PRKG1: variants seen among roughly 807,000 people sequenced by gnomAD.
PRKG1 encodes cGMP-dependent protein kinase 1.
PRKG1 carries 35 observed loss-of-function variants against 88.1 expected under a neutral mutation model. The observed-to-expected ratio is 0.40, with a 90% CI of 0.30 to 0.53. The LOEUF is 0.53. Ranked by LOEUF, PRKG1 falls within the 20% of genes least tolerant of loss-of-function variation. PRKG1 has a pLI of 0.59. For missense variants in PRKG1, 540 were observed against 839.8 expected (o/e 0.64, Z 4.41); for synonymous variants, 303 against 292.5 (o/e 1.04, Z -0.37).
At chr10:51,825,597 G>A (rs1054048588) in intron 4 of PRKG1, among the ~76,000 whole-genome samples, 9 of 152,126 alleles carry the variant, frequency 5.9e-5, no homozygotes, top group African/African-American at 2.2e-4. Flanking sequence ...CCAGTCTCCT[G>A]TGCCTACAAC....
chr10:51,294,542 G>T (rs1292135644), intron 2 of PRKG1, among the ~76,000 whole-genome samples: 1 of 152,064 alleles, frequency 6.6e-6, no homozygotes, highest in African/African-American at 2.4e-5. Flanking sequence ...GATTCGTTAG[G>T]TTGGTGCAAT....
At position 51,349,468 on chromosome 10, in the gene PRKG1, G is replaced by GTA. The variant is rs1554798017; in HGVS notation, c.479-118254_479-118253insAT. Among the ~76,000 whole-genome samples the GTA allele has an allele frequency of 2.4e-3, 362 of 149,540 alleles. 3 individuals carry two copies. Among genetic ancestry groups the GTA allele is most frequent in the Middle Eastern group, 0.017 (5 of 288 alleles). On this transcript the variant is annotated intron_variant, in intron 2 of 17. Transcript: ENST00000373980. ...GTTCATATTGTTTGTGTGTGTGTGT[G>GTA]TGTGTGTGTGTGTGTATGTGTGTGT...
intron 2 of PRKG1, among the ~76,000 whole-genome samples, chr10:51,333,201 A>T (rs891445444): frequency 2.0e-5 from 3 of 152,238 alleles, no homozygotes; most frequent in Admixed American, 2.0e-4. Flanking sequence ...TTTGAAGATA[A>T]TGTAAACTCA....
chr10:51,668,346 G>A (rs1459147484), intron 3 of PRKG1, among the ~76,000 whole-genome samples: 1 of 152,128 alleles, frequency 6.6e-6, no homozygotes, highest in Non-Finnish European at 1.5e-5. Flanking sequence ...TGTGAGTGTG[G>A]AAGAATTTTG....
chr10:52,014,509 C>G (rs1280785963), intron 5 of PRKG1, among the ~76,000 whole-genome samples: 1 of 152,208 alleles, frequency 6.6e-6, no homozygotes, highest in Non-Finnish European at 1.5e-5. Flanking sequence ...GGTGGGGACA[C>G]AGAGCCAAAC....
At chr10:52,227,534 G>A (rs1475457889) in intron 9 of PRKG1, among the ~76,000 whole-genome samples, 1 of 152,076 alleles carries the variant, frequency 6.6e-6, no homozygotes, top group Non-Finnish European at 1.5e-5. Context: ...TGTATGGGAG[G>A]ATGTGCTCAG....
intron 1 of PRKG1, among the ~76,000 whole-genome samples, chr10:51,138,007 A>T (rs1471935194): frequency 6.6e-6 from 1 of 152,064 alleles, no homozygotes. Context: ...CTAGGAGGGG[A>T]GGTTATGTAT....
At chr10:51,920,149 A>G (rs1025581831) in intron 5 of PRKG1, among the ~76,000 whole-genome samples, 1 of 152,172 alleles carries the variant, frequency 6.6e-6, no homozygotes, top group Non-Finnish European at 1.5e-5. Context: ...AGGATACACA[A>G]TCAAGGTGGA....
At chr10:52,284,560 A>G (rs930943214) in intron 14 of PRKG1, among the ~76,000 whole-genome samples, 14 of 152,034 alleles carry the variant, frequency 9.2e-5, no homozygotes, top group Non-Finnish European at 4.4e-5. Context: ...ATAAAGTTCC[A>G]CAAAACACAC....
At chr10:51,780,806 C>T (rs916908663) in intron 3 of PRKG1, among the ~76,000 whole-genome samples, 1 of 152,100 alleles carries the variant, frequency 6.6e-6, no homozygotes, top group Non-Finnish European at 1.5e-5. Context: ...AAGTTTGTTC[C>T]TGGTTATTTA....
intron 9 of PRKG1, among the ~76,000 whole-genome samples, chr10:52,169,157 GAGA>G (rs1455194037): frequency 3.9e-5 from 6 of 152,164 alleles, no homozygotes; most frequent in Admixed American, 2.0e-4. Flanking sequence ...AAGAAAGACT[GAGA>G]AGGAGAGATG....
At chr10:51,464,227 G>C (rs1046338471) in intron 2 of PRKG1, among the ~76,000 whole-genome samples, 1 of 152,010 alleles carries the variant, frequency 6.6e-6, no homozygotes. Flanking sequence ...GGCAGAGTTT[G>C]CCGTGAGCCA....
intron 4 of PRKG1, among the ~76,000 whole-genome samples, chr10:51,863,355 A>G (rs10999808): frequency 0.18 from 28,000 of 152,130 alleles, 3,166 homozygotes; most frequent in East Asian, 0.46. Flanking sequence ...TTTCAAAAGT[A>G]CTTGTCACTT....
At chr10:51,449,844 T>C (rs293262) in intron 2 of PRKG1, among the ~76,000 whole-genome samples, 52,711 of 150,902 alleles carry the variant, frequency 0.35, 10,440 homozygotes, top group African/African-American at 0.51. Flanking sequence ...TTTTTTAATT[T>C]ACTTTTCTGA....
At chr10:51,402,209 T>C (rs1837759296) in intron 2 of PRKG1, among the ~76,000 whole-genome samples, 1 of 152,234 alleles carries the variant, frequency 6.6e-6, no homozygotes, top group Non-Finnish European at 1.5e-5. Context: ...CAGGGATCCA[T>C]GTGTTCCTTA....
intron 2 of PRKG1, among the ~76,000 whole-genome samples, chr10:51,456,265 G>A (rs1030421048): frequency 1.3e-5 from 2 of 152,106 alleles, no homozygotes; most frequent in African/African-American, 2.4e-5. Flanking sequence ...CTCCCACTAG[G>A]TCTCTCCCAA....
chr10:52,271,078 G>GAACTA (rs1382669240), intron 10 of PRKG1, among the ~76,000 whole-genome samples: 1 of 151,818 alleles, frequency 6.6e-6, no homozygotes, highest in African/African-American at 2.4e-5. Flanking sequence ...AATAAAACTA[G>GAACTA]AACTAAGTAC....
intron 2 of PRKG1, among the ~76,000 whole-genome samples, chr10:51,381,244 A>G (rs1837087482): frequency 8.2e-6 from 1 of 121,732 alleles, no homozygotes; most frequent in South Asian, 3.1e-4. Flanking sequence ...GCAACAGAGC[A>G]AGCCTCCATC....
intron 1 of PRKG1, among the ~76,000 whole-genome samples, chr10:51,146,669 T>C (rs1445702157): frequency 6.6e-6 from 1 of 152,152 alleles, no homozygotes; most frequent in Non-Finnish European, 1.5e-5. Context: ...CCTGAAGCAA[T>C]TCCCCTCCTT....
Sources: allele counts gnomAD v4.1 joint callset (sites outside exome capture counted in the v4.1 genomes callset), GRCh38; gene constraint gnomAD v4.1.1; transcripts MANE v1.5; gene names NCBI Gene and HGNC (gene_info 2026-07-23, HGNC 2026-07-21).